TRAP1: variants seen among roughly 807,000 people sequenced by gnomAD.
TRAP1 encodes the protein TNF receptor associated protein 1.
A neutral mutation model predicts 89.1 loss-of-function variants in TRAP1; 102 were observed. The observed-to-expected ratio is 1.15, with a 90% CI of 0.98 to 1.35. The LOEUF (loss-of-function observed/expected upper bound fraction) is 1.35, where lower values mean the gene tolerates loss of function less well. TRAP1 is among the 40% of genes most tolerant of loss of function. The probability of loss-of-function intolerance (pLI) is 0.00; values close to 1 mark genes in which losing one functional copy is unlikely to be tolerated. For missense variants in TRAP1, 1,256 were observed against 945.3 expected (o/e 1.33, Z -4.31); for synonymous variants, 508 against 388.0 (o/e 1.31, Z -3.64).
At chr16:3,684,426 C>G (rs1431095010) in intron 4 of TRAP1, among the ~76,000 whole-genome samples, 1 of 152,180 alleles carries the variant, frequency 6.6e-6, no homozygotes, top group African/African-American at 2.4e-5. Flanking sequence ...CATAATACCT[C>G]TGAGACCCCA....
chr16:3,670,382 CAAAAAAAAAA>C (rs760902038), intron 11 of TRAP1, among the ~76,000 whole-genome samples: 50 of 22,842 alleles, frequency 2.2e-3, no homozygotes, highest in South Asian at 6.4e-3. Flanking sequence ...GACTCCGTCT[CAAAAAAAAAA>C]AAAAAAAAAA....
chr16:3,703,172 CAATT>C (rs531057644), intron 1 of TRAP1, among the ~76,000 whole-genome samples: 51 of 146,846 alleles, frequency 3.5e-4, no homozygotes, highest in Non-Finnish European at 6.1e-4. Flanking sequence ...AAAAACTAAA[CAATT>C]AAGAATGCAT....
At chr16:3,703,043 GAAAAAAAAAAA>G (rs36093237) in intron 1 of TRAP1, among the ~76,000 whole-genome samples, 4 of 43,500 alleles carry the variant, frequency 9.2e-5, no homozygotes, top group Non-Finnish European at 1.7e-4. Context: ...ACTCCGTCTT[GAAAAAAAAAAA>G]AAAAAAAAAA....
intron 1 of TRAP1, among the ~76,000 whole-genome samples, chr16:3,715,632 CAA>C (rs1186444077): frequency 1.3e-5 from 2 of 151,868 alleles, no homozygotes; most frequent in African/African-American, 4.8e-5. Context: ...GAGTCAGCTA[CAA>C]AAGAAACGAG....
At chr16:3,668,023 G>T (rs1039644250) in intron 11 of TRAP1, among the ~76,000 whole-genome samples, 10 of 151,252 alleles carry the variant, frequency 6.6e-5, no homozygotes, top group Non-Finnish European at 1.3e-4. Context: ...CCACCTCCCA[G>T]GTTCAAGCAA....
At chr16:3,679,689 G>C in intron 5 of TRAP1, 30 bp downstream of exon 5, 3 of 1,612,984 alleles carry the variant, frequency 1.9e-6, no homozygotes, top group South Asian at 2.2e-5. Context: ...TGAGGGGAAG[G>C]GGGAGGCTGT....
At chr16:3,700,850 A>G (rs1158907248) in intron 1 of TRAP1, among the ~76,000 whole-genome samples, 1 of 152,182 alleles carries the variant, frequency 6.6e-6, no homozygotes, top group Admixed American at 6.6e-5. Flanking sequence ...GATAAACCAC[A>G]ATGGAAATCT....
chr16:3,670,039 C>T (rs566778705), intron 11 of TRAP1, among the ~76,000 whole-genome samples: 1 of 151,772 alleles, frequency 6.6e-6, no homozygotes, highest in South Asian at 2.1e-4. Flanking sequence ...TGCAAATAAA[C>T]TAGGTAGAAA....
At chr16:3,706,442 G>A (rs1262141214) in intron 1 of TRAP1, among the ~76,000 whole-genome samples, 1 of 149,686 alleles carries the variant, frequency 6.7e-6, no homozygotes, top group East Asian at 2.0e-4. Flanking sequence ...CACCACTCCT[G>A]GCCTATTTGC....
intron 1 of TRAP1, chr16:3,691,267 G>C (rs948204632): frequency 2.2e-4 from 56 of 251,218 alleles, no homozygotes; most frequent in African/African-American, 1.0e-3. Flanking sequence ...AGGGGGTCTC[G>C]CTCTGTCACT....
At chr16:3,667,925 ATTTTTTTTT>A (rs58782531) in intron 11 of TRAP1, among the ~76,000 whole-genome samples, 2 of 65,546 alleles carry the variant, frequency 3.1e-5, no homozygotes, top group Non-Finnish European at 5.4e-5. Context: ...TACCCGGCTG[ATTTTTTTTT>A]TTTTTTTTTT....
rs770589252 is a variant in TRAP1 at position 3,658,167 on chromosome 16, A to G, written c.2077T>C (p.Leu693=). Residue 693 remains leucine (L), a synonymous_variant, in exon 18 of 18, where the codon TTG becomes CTG. Coordinates refer to ENST00000246957, the MANE Select transcript of TRAP1 (RefSeq NM_016292.3). ...AGGGCCTTGACAAGCAGCTCATTCAAGCGGCCCACCATGGCCCTAGGGTCG... is the reference window on the plus strand; with the variant it reads ...AGGGCCTTGACAAGCAGCTCATTCAGGCGGCCCACCATGGCCCTAGGGTCG... The part of the protein sequence containing the change: ...VDDPRAMVGR[L]NELLVKALER... 5.6e-6 allele frequency: 9 copies of G among 1,613,968 alleles called. No homozygotes were observed. Among genetic ancestry groups the G allele is most frequent in the Non-Finnish European group, 7.6e-6 (9 of 1,179,896 alleles).
chr16:3,682,004 G>T (rs1165445174), intron 4 of TRAP1, among the ~76,000 whole-genome samples: 1 of 152,150 alleles, frequency 6.6e-6, no homozygotes, highest in South Asian at 2.1e-4. Flanking sequence ...GGCATTTAAG[G>T]ATCGACACAT....
intron 1 of TRAP1, among the ~76,000 whole-genome samples, chr16:3,709,731 A>G (rs2051502103): frequency 6.6e-6 from 1 of 151,646 alleles, no homozygotes; most frequent in Non-Finnish European, 1.5e-5. Flanking sequence ...GCACACCACA[A>G]CCTCCACCTC....
chr16:3,666,178 G>C (rs557922515), intron 11 of TRAP1, 60 bp from the exon 12 acceptor site: 10 of 1,551,994 alleles, frequency 6.4e-6, no homozygotes, highest in Non-Finnish European at 8.7e-6. Context: ...CAAATGGCCA[G>C]AGGGTACGAA....
chr16:3,678,275 T>C (rs957182131), intron 5 of TRAP1: 6 of 152,646 alleles, frequency 3.9e-5, no homozygotes, highest in African/African-American at 1.4e-4. Flanking sequence ...GCCGAGCACC[T>C]GCAATGTGGC....
Position 3,677,570 on chromosome 16 carries a change from A to C in TRAP1, c.632T>G (p.Val211Gly), listed in dbSNP as rs760425595. Residue 211 changes from valine to glycine, a missense_variant, in exon 6 of 18, where the codon GTG becomes GGG. Physicochemically the swap from Val to Gly is moderately radical, Grantham distance 109. Coordinates refer to ENST00000246957, the MANE Select transcript of TRAP1 (RefSeq NM_016292.3). ...GGAATAGACCTCCACTCTGTCAGCC[A>C]CCATGAAAGCTGAGTAGAAACCCAC... ...FGVGFYSAFM[V>G]ADRVEVYSRS... 1 of 1,614,066 alleles carries C rather than the reference A, an allele frequency of 6.2e-7. No individual in the cohort carries two copies. The highest frequency in any genetic ancestry group is 1.1e-5 in the South Asian group (1 of 91,092).
At chr16:3,711,216 A>G (rs1197917624) in intron 1 of TRAP1, among the ~76,000 whole-genome samples, 2 of 152,042 alleles carry the variant, frequency 1.3e-5, no homozygotes, top group East Asian at 1.9e-4. Context: ...TTATATGGCT[A>G]TGAAGTAACT....
rs2051321371 is a variant in TRAP1, at chr16:3,698,524, G to A, written c.89-7539C>T. Among the ~76,000 whole-genome samples, 10 of 151,760 alleles carry A rather than the reference G, an allele frequency of 6.6e-5. 1 individual carries two copies. Among genetic ancestry groups the A allele is most frequent in the Non-Finnish European group, 2.9e-5 (2 of 67,932 alleles). On this transcript the variant is annotated intron_variant, in intron 1 of 17. Transcript: ENST00000246957. ...TCACCGTGTTAGCCAGGATGGTCTT[G>A]ATCTCCTGACCTCGTGATCTGCCCG...
Sources: allele counts gnomAD v4.1 joint callset (sites outside exome capture counted in the v4.1 genomes callset), GRCh38; gene constraint gnomAD v4.1.1; transcripts MANE v1.5; gene names NCBI Gene and HGNC (gene_info 2026-07-23, HGNC 2026-07-21).